DAB1: variants seen among roughly 807,000 people sequenced by gnomAD.
DAB1 encodes the protein DAB adaptor protein 1.
A neutral mutation model predicts 64.6 loss-of-function variants in DAB1; 15 were observed. That is an observed-to-expected ratio of 0.23 (90% CI 0.16 to 0.36). The LOEUF (loss-of-function observed/expected upper bound fraction) is 0.36, where lower values mean the gene tolerates loss of function less well. DAB1 is among the 10% of genes least tolerant of loss of function. The probability of loss-of-function intolerance (pLI) is 1.00; values close to 1 mark genes in which losing one functional copy is unlikely to be tolerated. For missense variants in DAB1, 596 were observed against 706.7 expected (o/e 0.84, Z 1.78); for synonymous variants, 235 against 251.9 (o/e 0.93, Z 0.64).
At chr1:57,042,039 A>G (rs1647854263) in intron 9 of DAB1, among the ~76,000 whole-genome samples, 1 of 152,172 alleles carries the variant, frequency 6.6e-6, no homozygotes, top group Admixed American at 6.6e-5. Flanking sequence ...CATAAGTCAG[A>G]GCAGAGAAAC....
intron 2 of DAB1, among the ~76,000 whole-genome samples, chr1:57,225,972 C>A (rs1203919984): frequency 6.6e-6 from 1 of 152,118 alleles, no homozygotes; most frequent in East Asian, 1.9e-4. Context: ...ACAATGGGTG[C>A]AGCCAATCAC....
intron 5 of DAB1, among the ~76,000 whole-genome samples, chr1:57,999,269 C>T (rs1646472080): frequency 6.6e-6 from 1 of 152,154 alleles, no homozygotes; most frequent in Non-Finnish European, 1.5e-5. Context: ...GGTGAAGGTA[C>T]TGAAGATCAG....
chr1:57,468,413 G>A (rs953850692), intron 7 of DAB1, among the ~76,000 whole-genome samples: 1 of 152,118 alleles, frequency 6.6e-6, no homozygotes, highest in Non-Finnish European at 1.5e-5. Context: ...ATTTTAGAAT[G>A]GTAAATGTAT....
chr1:57,534,345 G>C (rs1032558461), intron 7 of DAB1, among the ~76,000 whole-genome samples: 14 of 152,168 alleles, frequency 9.2e-5, no homozygotes, highest in African/African-American at 3.4e-4. Context: ...AAGTGGATTT[G>C]ATGTGAGTCT....
At chr1:58,062,224 C>T (rs1490078534) in intron 5 of DAB1, among the ~76,000 whole-genome samples, 1 of 152,202 alleles carries the variant, frequency 6.6e-6, no homozygotes, top group Non-Finnish European at 1.5e-5. Flanking sequence ...ATAGCCATCA[C>T]CTTGTTCAGG....
chr1:57,120,587 T>C (rs987797726), intron 4 of DAB1, among the ~76,000 whole-genome samples: 2 of 152,138 alleles, frequency 1.3e-5, no homozygotes, highest in Non-Finnish European at 2.9e-5. Context: ...AAACTGAAAC[T>C]CTGTACCTAT....
chr1:57,676,325 A>C (rs1646565826), intron 6 of DAB1, among the ~76,000 whole-genome samples: 1 of 152,210 alleles, frequency 6.6e-6, no homozygotes, highest in African/African-American at 2.4e-5. Flanking sequence ...GCTCTTTGAC[A>C]ATCAAGAAGC....
intron 7 of DAB1, among the ~76,000 whole-genome samples, chr1:57,544,438 C>G (rs947240934): frequency 1.3e-5 from 2 of 152,182 alleles, no homozygotes; most frequent in African/African-American, 4.8e-5. Context: ...ATAGTAACGA[C>G]TGGGTTGTGT....
At chr1:58,496,036 G>A (rs1200879304) in intron 3 of DAB1, among the ~76,000 whole-genome samples, 1 of 152,112 alleles carries the variant, frequency 6.6e-6, no homozygotes, top group African/African-American at 2.4e-5. Flanking sequence ...CTTGAGAAAT[G>A]TTAACTAAAT....
intron 5 of DAB1, among the ~76,000 whole-genome samples, chr1:58,008,308 T>C (rs1312084669): frequency 1.3e-5 from 2 of 152,124 alleles, no homozygotes; most frequent in Non-Finnish European, 2.9e-5. Context: ...ATGGATCTTG[T>C]GGTAAATAAT....
At chr1:57,308,758 C>A (rs1471011159) in intron 1 of DAB1, among the ~76,000 whole-genome samples, 1 of 152,124 alleles carries the variant, frequency 6.6e-6, no homozygotes, top group African/African-American at 2.4e-5. Flanking sequence ...CAGAAAAACA[C>A]AAAATAGTAA....
At chr1:58,336,658 C>T (rs906923453) in intron 4 of DAB1, among the ~76,000 whole-genome samples, 12 of 152,112 alleles carry the variant, frequency 7.9e-5, no homozygotes, top group Non-Finnish European at 1.5e-4. Flanking sequence ...AGACTTCAAT[C>T]CTTTATCAGA....
intron 1 of DAB1, among the ~76,000 whole-genome samples, chr1:57,845,668 T>C (rs1228044324): frequency 6.6e-6 from 1 of 152,200 alleles, no homozygotes. Context: ...CCTGCCACAG[T>C]GTCCCAGACA....
At chr1:57,648,004 G>A (rs1296213673) in intron 7 of DAB1, among the ~76,000 whole-genome samples, 1 of 152,210 alleles carries the variant, frequency 6.6e-6, no homozygotes, top group Non-Finnish European at 1.5e-5. Flanking sequence ...ATGCATTAAA[G>A]AGATTTATTA....
At chr1:57,836,523 G>A (rs1652816123) in intron 1 of DAB1, among the ~76,000 whole-genome samples, 1 of 152,206 alleles carries the variant, frequency 6.6e-6, no homozygotes, top group African/African-American at 2.4e-5. Context: ...TTTCGGAGAT[G>A]AGGGAAGGAG....
intron 4 of DAB1, among the ~76,000 whole-genome samples, chr1:58,258,070 C>T (rs527392332): frequency 6.6e-6 from 1 of 152,338 alleles, no homozygotes; most frequent in East Asian, 1.9e-4. Context: ...CACATGCACA[C>T]ATATGCATTC....
intron 1 of DAB1, among the ~76,000 whole-genome samples, chr1:57,835,825 C>T (rs537445951): frequency 8.5e-5 from 13 of 152,340 alleles, no homozygotes; most frequent in Non-Finnish European, 1.6e-4. Flanking sequence ...TTCCGAAAGA[C>T]ACCTGAATGC....
At chr1:58,401,472 C>CT (rs11406038) in intron 3 of DAB1, among the ~76,000 whole-genome samples, 4,949 of 152,262 alleles carry the variant, frequency 0.033, 271 homozygotes, top group African/African-American at 0.11. Context: ...AAACTGTAAT[C>CT]CTCTCCCCAG....
intron 5 of DAB1, among the ~76,000 whole-genome samples, chr1:58,036,043 G>A (rs1225115835): frequency 1.3e-5 from 2 of 152,136 alleles, no homozygotes; most frequent in African/African-American, 4.8e-5. Flanking sequence ...TGGGGCTATA[G>A]GAATGAGGGA....
Sources: gnomAD v4.1 joint callset for allele counts (sites outside exome capture counted in the v4.1 genomes callset) on GRCh38, gnomAD v4.1.1 for gene constraint, MANE v1.5 for transcripts, NCBI Gene and HGNC (gene_info 2026-07-23, HGNC 2026-07-21) for gene names.